The following AQR variants were observed in gnomAD, a reference collection of about 807,000 sequenced individuals.
The protein encoded by AQR is RNA helicase aquarius.
Under a neutral mutation model 180.5 loss-of-function variants are expected in AQR, and 61 were observed. That is an observed-to-expected ratio of 0.34 (90% CI 0.28 to 0.42). The LOEUF (loss-of-function observed/expected upper bound fraction) is 0.42. AQR is among the 10% of genes least tolerant of loss of function. The pLI is 1.00. For missense variants in AQR, 1,281 were observed against 1,798.3 expected (o/e 0.71, Z 5.20); for synonymous variants, 551 against 588.8 (o/e 0.94, Z 0.93).
intron 24 of AQR, among the ~76,000 whole-genome samples, chr15:34,886,920 C>T (rs1048352328): frequency 6.6e-6 from 1 of 151,486 alleles, no homozygotes; most frequent in Non-Finnish European, 1.5e-5. Flanking sequence ...GTTAGGAGAT[C>T]GAGACCATCA....
intron 9 of AQR, among the ~76,000 whole-genome samples, chr15:34,937,188 C>A (rs1264914719): frequency 1.3e-5 from 2 of 152,096 alleles, no homozygotes; most frequent in African/African-American, 4.8e-5. Context: ...CAGGTGCCTG[C>A]CACTGCGCCT....
chr15:34,857,265 C>T (rs1422402412), intron 34 of AQR, among the ~76,000 whole-genome samples, 159 bp from the exon 35 acceptor site: 1 of 152,122 alleles, frequency 6.6e-6, no homozygotes, highest in Non-Finnish European at 1.5e-5. Context: ...TCTGCTAACA[C>T]CAAGGAATAT....
At chr15:34,961,639 T>A (rs2050279664) in intron 2 of AQR, among the ~76,000 whole-genome samples, 1 of 133,470 alleles carries the variant, frequency 7.5e-6, no homozygotes, top group African/African-American at 2.9e-5. Context: ...AAAAAAGAAT[T>A]CTGACTCTGG....
chr15:34,901,785 A>G (rs538120476), intron 19 of AQR, among the ~76,000 whole-genome samples: 1 of 152,302 alleles, frequency 6.6e-6, no homozygotes, highest in South Asian at 2.1e-4. Context: ...TACTATCCCT[A>G]CTATCATTTG....
In AQR at chr15:34,852,802, A is replaced by G. The variant is rs1354498756; in HGVS notation, c.*3990T>C. Reference sequence around the variant, plus strand: ...TAGTATTTTCTGTAATATATGATGAAAAATAATCGTATCGGCCATCTTTGT... The same window carrying G: ...TAGTATTTTCTGTAATATATGATGAGAAATAATCGTATCGGCCATCTTTGT... On this transcript the variant is annotated 3_prime_UTR_variant, in exon 35 of 35. Coordinates refer to ENST00000156471, the MANE Select transcript of AQR (RefSeq NM_014691.3). The G allele has an allele frequency of 6.6e-6, 1 of 152,232 alleles. No individual in the cohort carries two copies. Among genetic ancestry groups the G allele is most frequent in the Non-Finnish European group, 1.5e-5 (1 of 68,046 alleles). The allele number at this position is 152,232 out of a possible 1,614,324, so 9.4% of individuals were successfully genotyped here. A position where few individuals can be genotyped will look rare whatever the true frequency, so the allele number is the denominator to read the frequency against.
intron 30 of AQR, among the ~76,000 whole-genome samples, chr15:34,872,068 T>C (rs1892827437): frequency 6.6e-6 from 1 of 152,200 alleles, no homozygotes; most frequent in African/African-American, 2.4e-5. Context: ...CAGCTTGAGT[T>C]ACAAGTTCAT....
At chr15:34,905,672 A>G (rs1372261699) in intron 18 of AQR, among the ~76,000 whole-genome samples, 2 of 152,214 alleles carry the variant, frequency 1.3e-5, no homozygotes, top group Non-Finnish European at 2.9e-5. Flanking sequence ...CAATGAATTA[A>G]AATAGTCAAA....
At chr15:34,875,874 G>T in intron 28 of AQR, 61 bp downstream of exon 28, 1 of 1,320,706 alleles carries the variant, frequency 7.6e-7, no homozygotes, top group South Asian at 1.2e-5. Context: ...ACAACTTTCT[G>T]ATGCTGTCCT....
chr15:34,870,977 T>C lies in AQR; in HGVS notation c.3598-55A>G, dbSNP rs75777679. 6.1e-3 allele frequency: 9,403 copies of C among 1,552,168 alleles called. 36 individuals are homozygous for C. The highest frequency in any genetic ancestry group is 7.3e-3 in the Non-Finnish European group (8,332 of 1,139,846). On this transcript the variant is annotated intron_variant, in intron 30 of 34. Transcript: ENST00000156471. ...TTCATTTGCTTTTGTTTCAATTTTA[T>C]AGAGAAAATATCTCATCTAGATAAG... is the stretch of plus-strand genomic sequence containing the variant.
intron 22 of AQR, among the ~76,000 whole-genome samples, chr15:34,893,992 C>T (rs545126500): frequency 1.1e-3 from 174 of 152,124 alleles, no homozygotes; most frequent in Non-Finnish European, 2.0e-3. Flanking sequence ...AAAATAGAGA[C>T]TCATGAATCT....
intron 34 of AQR, 37 bp from the exon 35 acceptor site, chr15:34,857,143 T>A: frequency 6.6e-7 from 1 of 1,505,254 alleles, no homozygotes; most frequent in South Asian, 1.3e-5. Context: ...AATACCAATA[T>A]GAAAAACAGC....
Position 34,873,982 on chromosome 15 carries a change from T to C in AQR, c.3443A>G (p.Asn1148Ser). The C allele has an allele frequency of 6.2e-7, 1 of 1,603,974 alleles. No homozygotes were observed. The highest frequency in any genetic ancestry group is 8.5e-7 in the Non-Finnish European group (1 of 1,175,004). ...RARASLCNLY[N>S]WRYKNLGNLP... is the part of the protein sequence containing the mutation. The stretch of plus-strand genomic sequence containing the variant: ...GTTTCCTAGATTCTTGTATCGCCAG[T>C]TGTAGAGGTTGCACAAGCTTTCCAA... The change falls in exon 30 of 35, where the codon AAC becomes AGC. Residue 1148 changes from asparagine (N) to serine (S), a missense_variant. Around this residue, in one of 9 missense-constraint regions of AQR, gnomAD observed 197 missense variants for 320.7 expected, o/e 0.61. Transcript: ENST00000156471.
chr15:34,871,284 A>G (rs1892812663), intron 30 of AQR, among the ~76,000 whole-genome samples: 1 of 152,114 alleles, frequency 6.6e-6, no homozygotes, highest in Non-Finnish European at 1.5e-5. Context: ...AGGCAGACAG[A>G]TCACTTGAGT....
At chr15:34,957,893 G>A (rs1426528887) in intron 3 of AQR, among the ~76,000 whole-genome samples, 1 of 152,022 alleles carries the variant, frequency 6.6e-6, no homozygotes, top group African/African-American at 2.4e-5. Flanking sequence ...GCCAAAGACA[G>A]CTACTTCTTT....
At chr15:34,901,635 A>G (rs1170675998) in intron 19 of AQR, among the ~76,000 whole-genome samples, 5 of 152,218 alleles carry the variant, frequency 3.3e-5, no homozygotes, top group Admixed American at 2.6e-4. Flanking sequence ...TTTTTAAATC[A>G]TAACTGTTAT....
intron 5 of AQR, among the ~76,000 whole-genome samples, chr15:34,947,724 C>T (rs567264202): frequency 2.1e-4 from 32 of 152,076 alleles, no homozygotes; most frequent in South Asian, 1.7e-3. Context: ...ATTGCAGCCT[C>T]GAACTCCTGG....
intron 4 of AQR, among the ~76,000 whole-genome samples, chr15:34,952,174 G>C (rs1185677868): frequency 6.6e-6 from 1 of 152,152 alleles, no homozygotes; most frequent in Non-Finnish European, 1.5e-5. Context: ...GTAGAGAAGT[G>C]GAAAACCATG....
intron 27 of AQR, among the ~76,000 whole-genome samples, chr15:34,879,609 G>A (rs1006360331): frequency 6.6e-6 from 1 of 152,120 alleles, no homozygotes; most frequent in Non-Finnish European, 1.5e-5. Flanking sequence ...TGTAATAGGA[G>A]CTTTTTTTTC....
At chr15:34,909,639 T>G (rs1893471089) in intron 17 of AQR, among the ~76,000 whole-genome samples, 1 of 152,220 alleles carries the variant, frequency 6.6e-6, no homozygotes, top group Non-Finnish European at 1.5e-5. Context: ...CTTGCCTAAT[T>G]TTTATTTTCC....
Sources: gnomAD v4.1 joint callset for allele counts (sites outside exome capture counted in the v4.1 genomes callset) on GRCh38, gnomAD v4.1.1 for gene constraint, gnomAD v4.1.1 regional missense constraint, MANE v1.5 for transcripts, NCBI Gene and HGNC (gene_info 2026-07-23, HGNC 2026-07-21) for gene names.